Variants in NRXN1 observed in about 807,000 individuals in gnomAD.
The protein encoded by NRXN1 is neurexin 1, also known as neurexin-1.
NRXN1 carries 39 observed loss-of-function variants against 150.9 expected under a neutral mutation model. The ratio of observed to expected loss-of-function variants is 0.26; its 90% confidence interval spans 0.20 to 0.34. NRXN1 has a LOEUF of 0.34. NRXN1 is among the 10% of genes least tolerant of loss of function. The pLI, the probability that NRXN1 is intolerant of heterozygous loss-of-function variation, is 1.00. For missense variants in NRXN1, 1,815 were observed against 1,949.9 expected, an observed-to-expected ratio of 0.93 and a Z score of 1.30; for synonymous variants, 924 against 757.0, an observed-to-expected ratio of 1.22 and a Z score of -3.62.
chr2:49,995,965 T>C (rs1682924688), intron 21 of NRXN1, among the ~76,000 whole-genome samples: 1 of 151,476 alleles, frequency 6.6e-6, no homozygotes, highest in Non-Finnish European at 1.5e-5. Flanking sequence ...TTCCAGAAAT[T>C]CATTAATCCT....
intron 5 of NRXN1, among the ~76,000 whole-genome samples, chr2:50,907,286 C>T (rs930964095): frequency 6.6e-6 from 1 of 151,882 alleles, no homozygotes; most frequent in Admixed American, 6.6e-5. Flanking sequence ...TTCTACATGG[C>T]GGTTCATTCT....
intron 16 of NRXN1, among the ~76,000 whole-genome samples, chr2:50,466,770 T>A (rs147002910): frequency 6.6e-6 from 1 of 151,940 alleles, no homozygotes; most frequent in Non-Finnish European, 1.5e-5. Flanking sequence ...AAAGGGCCTT[T>A]GTATGTTTCC....
chr2:50,963,175 T>C (rs779254866), intron 2 of NRXN1, among the ~76,000 whole-genome samples: 2 of 151,676 alleles, frequency 1.3e-5, no homozygotes, highest in Admixed American at 6.6e-5. Context: ...CTCATTAATC[T>C]GCCCATTTTT....
chr2:50,548,583 T>C (rs1210642251), intron 9 of NRXN1, among the ~76,000 whole-genome samples: 1 of 152,150 alleles, frequency 6.6e-6, no homozygotes, highest in Admixed American at 6.5e-5. Context: ...ACTGTACTAC[T>C]TACATGTTTT....
At chr2:50,318,768 AAAGT>A (rs1247390015) in intron 17 of NRXN1, among the ~76,000 whole-genome samples, 1 of 152,176 alleles carries the variant, frequency 6.6e-6, no homozygotes, top group Non-Finnish European at 1.5e-5. Context: ...ACTATTTTAA[AAAGT>A]AAGAAGATTA....
At chr2:50,584,736 C>A (rs758598845) in intron 8 of NRXN1, among the ~76,000 whole-genome samples, 1 of 152,080 alleles carries the variant, frequency 6.6e-6, no homozygotes, top group Admixed American at 6.6e-5. Context: ...ATTGATGCTG[C>A]CACTATAGTT....
intron 19 of NRXN1, among the ~76,000 whole-genome samples, chr2:50,080,768 T>TAG (rs1313614883): frequency 6.6e-6 from 1 of 152,144 alleles, no homozygotes; most frequent in African/African-American, 2.4e-5. Flanking sequence ...AAAAAAAAAT[T>TAG]ATCTGAGCTA....
intron 9 of NRXN1, among the ~76,000 whole-genome samples, chr2:50,541,525 T>G (rs1222158817): frequency 1.3e-5 from 2 of 152,160 alleles, no homozygotes; most frequent in Non-Finnish European, 2.9e-5. Flanking sequence ...AGTGCTTGCT[T>G]TGAGCAAAGT....
intron 17 of NRXN1, among the ~76,000 whole-genome samples, chr2:50,285,268 T>C (rs1180224946): frequency 6.6e-6 from 1 of 152,194 alleles, no homozygotes; most frequent in Non-Finnish European, 1.5e-5. Flanking sequence ...TTACAATAAT[T>C]TGTATTTATT....
At chr2:50,944,626 T>C (rs1690032759) in intron 2 of NRXN1, among the ~76,000 whole-genome samples, 1 of 152,196 alleles carries the variant, frequency 6.6e-6, no homozygotes, top group Non-Finnish European at 1.5e-5. Context: ...TACTTCTATC[T>C]GGCAAAAGGA....
chr2:50,415,845 A>G (rs1156660742), intron 17 of NRXN1, among the ~76,000 whole-genome samples: 1 of 151,552 alleles, frequency 6.6e-6, no homozygotes, highest in African/African-American at 2.4e-5. Flanking sequence ...AAAAAAACAG[A>G]AAAAAATAGA....
intron 19 of NRXN1, among the ~76,000 whole-genome samples, chr2:50,083,657 C>T (rs918622267): frequency 6.6e-6 from 1 of 152,186 alleles, no homozygotes; most frequent in African/African-American, 2.4e-5. Flanking sequence ...TGGCCCCACC[C>T]ACATCCTGCT....
chr2:50,245,917 T>C (rs1239898655), intron 17 of NRXN1, among the ~76,000 whole-genome samples: 1 of 151,848 alleles, frequency 6.6e-6, no homozygotes, highest in Non-Finnish European at 1.5e-5. Context: ...CTATTCTTAG[T>C]GATTTTTTTT....
intron 17 of NRXN1, among the ~76,000 whole-genome samples, chr2:50,337,558 T>C (rs898856854): frequency 4.6e-5 from 7 of 152,162 alleles, no homozygotes; most frequent in Non-Finnish European, 1.0e-4. Flanking sequence ...TGAATCAATA[T>C]TTTGTTAAGA....
chr2:50,121,974 G>C (rs13005356), intron 18 of NRXN1, among the ~76,000 whole-genome samples: 2 of 152,084 alleles, frequency 1.3e-5, no homozygotes, highest in African/African-American at 4.8e-5. Context: ...TTTCTTCAGA[G>C]AATCTCCTCA....
At chr2:50,479,059 C>A (rs919190234) in intron 15 of NRXN1, among the ~76,000 whole-genome samples, 6 of 152,198 alleles carry the variant, frequency 3.9e-5, no homozygotes, top group African/African-American at 1.2e-4. Context: ...CAATACCTTT[C>A]TGTATCATCT....
intron 17 of NRXN1, among the ~76,000 whole-genome samples, chr2:50,288,733 C>A (rs1186171464): frequency 1.3e-5 from 2 of 152,088 alleles, no homozygotes; most frequent in Non-Finnish European, 2.9e-5. Flanking sequence ...AAGGACATGT[C>A]CCCATGATTC....
At chr2:50,419,857 A>C (rs2104232270) in intron 17 of NRXN1, among the ~76,000 whole-genome samples, 1 of 152,094 alleles carries the variant, frequency 6.6e-6, no homozygotes, top group South Asian at 2.1e-4. Context: ...TCTTTTTGAA[A>C]CCTCAGTTTT....
intron 5 of NRXN1, among the ~76,000 whole-genome samples, chr2:50,913,664 G>A (rs1229783932): frequency 6.6e-6 from 1 of 151,712 alleles, no homozygotes; most frequent in Non-Finnish European, 1.5e-5. Context: ...CATTTTACCT[G>A]TTTGAAAGTT....
Sources: gnomAD v4.1 joint callset for allele counts (sites outside exome capture counted in the v4.1 genomes callset) on GRCh38, gnomAD v4.1.1 for gene constraint, MANE v1.5 for transcripts, NCBI Gene and HGNC (gene_info 2026-07-23, HGNC 2026-07-21) for gene names.